The following CSMD1 variants were observed in gnomAD, a reference collection of about 807,000 sequenced individuals.
CSMD1 encodes CUB and Sushi multiple domains 1, also known as CUB and sushi domain-containing protein 1.
CSMD1 carries 213 observed loss-of-function variants against 417.5 expected under a neutral mutation model. That is an observed-to-expected ratio of 0.51 (90% CI 0.46 to 0.57). CSMD1 has a LOEUF of 0.57. Ranked by LOEUF, CSMD1 falls within the 20% of genes least tolerant of loss-of-function variation. The pLI is 0.00. For synonymous variants in CSMD1, 2,862 were observed against 1,736.8 expected, an observed-to-expected ratio of 1.65 and a Z score of -16.11; for missense variants, 6,923 against 4,529.7, an observed-to-expected ratio of 1.53 and a Z score of -15.17.
At chr8:3,114,283 T>C (rs1001141101) in intron 42 of CSMD1, among the ~76,000 whole-genome samples, 1 of 152,006 alleles carries the variant, frequency 6.6e-6, no homozygotes, top group Non-Finnish European at 1.5e-5. Flanking sequence ...ATTTAAATTT[T>C]AAAACCTTGA....
At chr8:4,131,318 C>G (rs1393005118) in intron 3 of CSMD1, among the ~76,000 whole-genome samples, 1 of 152,158 alleles carries the variant, frequency 6.6e-6, no homozygotes, top group Non-Finnish European at 1.5e-5. Flanking sequence ...AATGTGAGGT[C>G]TGACTGTGCT....
intron 6 of CSMD1, among the ~76,000 whole-genome samples, chr8:3,733,691 G>C (rs953628119): frequency 1.3e-5 from 2 of 152,118 alleles, no homozygotes; most frequent in Non-Finnish European, 2.9e-5. Flanking sequence ...GAGTCACTCA[G>C]TGCCCATCTC....
chr8:4,582,757 C>A (rs1034606291), intron 2 of CSMD1, among the ~76,000 whole-genome samples: 1 of 152,248 alleles, frequency 6.6e-6, no homozygotes, highest in Non-Finnish European at 1.5e-5. Flanking sequence ...CCCACCGCTG[C>A]ACTGTGGGAG....
intron 5 of CSMD1, among the ~76,000 whole-genome samples, chr8:3,793,527 G>A (rs549443595): frequency 2.0e-5 from 3 of 148,812 alleles, no homozygotes; most frequent in Middle Eastern, 3.5e-3. Flanking sequence ...CTCTGGATTC[G>A]ATCTCTGGGC....
At chr8:3,221,679 C>A (rs1469159043) in intron 28 of CSMD1, among the ~76,000 whole-genome samples, 1 of 152,002 alleles carries the variant, frequency 6.6e-6, no homozygotes, top group East Asian at 1.9e-4. Flanking sequence ...ATTTCTACCT[C>A]TGCCAGCTGC....
chr8:3,881,060 A>C (rs967997766), intron 5 of CSMD1, among the ~76,000 whole-genome samples: 1 of 152,156 alleles, frequency 6.6e-6, no homozygotes, highest in Non-Finnish European at 1.5e-5. Flanking sequence ...GAGTGAATTC[A>C]AAAAATTATA....
chr8:4,236,055 T>TTTTTTG (rs1802037486), intron 3 of CSMD1, among the ~76,000 whole-genome samples: 3 of 83,742 alleles, frequency 3.6e-5, no homozygotes, highest in Non-Finnish European at 5.2e-5. Flanking sequence ...TTTTTTTTTT[T>TTTTTTG]TTTTTTTTTT....
chr8:4,439,549 A>G (rs1206603735), intron 2 of CSMD1, among the ~76,000 whole-genome samples: 2 of 152,158 alleles, frequency 1.3e-5, no homozygotes, highest in Non-Finnish European at 1.5e-5. Flanking sequence ...TATTTGAAGT[A>G]TGAGTTTACT....
intron 50 of CSMD1, among the ~76,000 whole-genome samples, chr8:3,046,827 A>G (rs1811476812): frequency 6.6e-6 from 1 of 152,220 alleles, no homozygotes; most frequent in South Asian, 2.1e-4. Flanking sequence ...TTTTCTTTGT[A>G]TTAAACCACT....
chr8:4,546,334 G>C (rs1797630795), intron 2 of CSMD1, among the ~76,000 whole-genome samples: 1 of 152,042 alleles, frequency 6.6e-6, no homozygotes, highest in African/African-American at 2.4e-5. Context: ...CAACTTCACT[G>C]GGGTAAGGGT....
chr8:3,726,362 C>G (rs1432364263), intron 6 of CSMD1, among the ~76,000 whole-genome samples: 1 of 152,202 alleles, frequency 6.6e-6, no homozygotes, highest in African/African-American at 2.4e-5. Context: ...AGCAATAGAA[C>G]TAATCCACCA....
chr8:3,213,111 G>C (rs1246649127), intron 30 of CSMD1, among the ~76,000 whole-genome samples: 4 of 152,160 alleles, frequency 2.6e-5, no homozygotes, highest in Non-Finnish European at 5.9e-5. Context: ...ACAGGTGTGA[G>C]CCACGCGCCC....
chr8:4,937,338 G>A (rs919774673), intron 1 of CSMD1, among the ~76,000 whole-genome samples: 1 of 152,168 alleles, frequency 6.6e-6, no homozygotes, highest in Non-Finnish European at 1.5e-5. Context: ...GTTTGTTTTT[G>A]TAAAATAGTG....
At chr8:3,922,266 T>C (rs1006737091) in intron 5 of CSMD1, among the ~76,000 whole-genome samples, 3 of 152,114 alleles carry the variant, frequency 2.0e-5, no homozygotes, top group Non-Finnish European at 4.4e-5. Flanking sequence ...CTATGTGTGC[T>C]CTTAAAAACA....
chr8:3,383,642 C>G (rs1271900264), intron 18 of CSMD1, among the ~76,000 whole-genome samples: 1 of 152,074 alleles, frequency 6.6e-6, no homozygotes, highest in Non-Finnish European at 1.5e-5. Context: ...AAGAACAACT[C>G]CAGAATAAAA....
chr8:3,978,732 C>T (rs1057111368), intron 5 of CSMD1, among the ~76,000 whole-genome samples: 25 of 152,244 alleles, frequency 1.6e-4, no homozygotes, highest in African/African-American at 5.3e-4. Context: ...TGTAAAAAGA[C>T]ATATCCCCAG....
At chr8:4,691,683 C>G (rs1339009257) in intron 1 of CSMD1, among the ~76,000 whole-genome samples, 1 of 152,190 alleles carries the variant, frequency 6.6e-6, no homozygotes, top group Non-Finnish European at 1.5e-5. Context: ...TACCTGCCTG[C>G]CTTAACTACG....
chr8:4,411,975 G>A (rs895073429), intron 3 of CSMD1, among the ~76,000 whole-genome samples: 57 of 143,348 alleles, frequency 4.0e-4, no homozygotes, highest in African/African-American at 1.4e-3. Context: ...AAAGTACACA[G>A]CAACATAGCT....
chr8:4,090,992 C>T (rs988331206), intron 3 of CSMD1, among the ~76,000 whole-genome samples: 1 of 151,376 alleles, frequency 6.6e-6, no homozygotes, highest in Admixed American at 6.6e-5. Context: ...AATCCTGGCT[C>T]ACTGCAACCT....
Sources: gnomAD v4.1 joint callset for allele counts (sites outside exome capture counted in the v4.1 genomes callset) on GRCh38, gnomAD v4.1.1 for gene constraint, MANE v1.5 for transcripts, NCBI Gene and HGNC (gene_info 2026-07-23, HGNC 2026-07-21) for gene names.